Variants in RAD50 observed in about 807,000 individuals in gnomAD.
RAD50 encodes RAD50 double strand break repair protein.
In RAD50, 132 loss-of-function variants were observed where a neutral mutation model predicts 168.8. The ratio of observed to expected loss-of-function variants is 0.78; its 90% CI spans 0.68 to 0.90. The LOEUF (loss-of-function observed/expected upper bound fraction) is 0.90, where lower values mean the gene tolerates loss of function less well. Ranked by LOEUF, RAD50 falls within the 40% of genes least tolerant of loss-of-function variation. RAD50 has a pLI of 0.00. For synonymous variants in RAD50, 525 were observed against 497.4 expected (o/e 1.06, Z -0.74); for missense variants, 1,347 against 1,534.4 (o/e 0.88, Z 2.04).
chr5:132,561,219 G>C (rs1750118956), intron 2 of RAD50, among the ~76,000 whole-genome samples: 1 of 151,938 alleles, frequency 6.6e-6, no homozygotes, highest in African/African-American at 2.4e-5. Context: ...ATGAGACGGA[G>C]TCTTGCACTG....
chr5:132,559,794 A>G lies in RAD50; in HGVS notation c.213+427A>G, dbSNP rs140487947. ...GTTTTTCATTAAAATGTACCATGAT[A>G]AGCCAGGCTTGGGGGTGTGTGCCAA... On this transcript the variant is annotated intron_variant, in intron 2 of 24. Coordinates refer to ENST00000378823, the MANE Select transcript of RAD50 (RefSeq NM_005732.4). Among the ~76,000 whole-genome samples, 170 of 152,300 alleles carry G rather than the reference A, an allele frequency of 1.1e-3. 4 individuals carry two copies. Among genetic ancestry groups the G allele is most frequent in the Admixed American group, 0.011 (164 of 15,280 alleles).
intron 11 of RAD50, among the ~76,000 whole-genome samples, chr5:132,592,345 A>G (rs1193780250): frequency 6.6e-6 from 1 of 152,298 alleles, no homozygotes; most frequent in Non-Finnish European, 1.5e-5. Flanking sequence ...TCTTTTTTAC[A>G]TTGCTAGCAT....
chr5:132,616,770 G>C (rs1258123412), intron 20 of RAD50, among the ~76,000 whole-genome samples: 1 of 152,150 alleles, frequency 6.6e-6, no homozygotes, highest in Non-Finnish European at 1.5e-5. Context: ...CAAATACTTA[G>C]ATTGTCAACC....
Position 132,609,214 on chromosome 5 carries a change from T to C in RAD50, c.2922+5T>C, listed in dbSNP as rs1304809549. Reference sequence around the variant, plus strand: ...GGGAAAGACGACTATAAGAAGGTAATTTAAAACTTAAAATTATTTATTTGA... The same window carrying C: ...GGGAAAGACGACTATAAGAAGGTAACTTAAAACTTAAAATTATTTATTTGA... On this transcript the variant is annotated splice_donor_5th_base_variant and intron_variant, in intron 18 of 24. Coordinates refer to ENST00000378823, the MANE Select transcript of RAD50 (RefSeq NM_005732.4). 6.2e-7 allele frequency: 1 copy of C among 1,609,554 alleles called. No homozygotes were observed. The highest frequency in any genetic ancestry group is 8.5e-7 in the Non-Finnish European group (1 of 1,177,990).
chr5:132,597,006 A>G (rs1750803549), intron 13 of RAD50, among the ~76,000 whole-genome samples: 1 of 152,170 alleles, frequency 6.6e-6, no homozygotes, highest in Non-Finnish European at 1.5e-5. Context: ...TGAGTCCTGT[A>G]TGTTGGGGAG....
At chr5:132,564,399 G>A (rs2706343) in intron 2 of RAD50, among the ~76,000 whole-genome samples, 1 of 152,122 alleles carries the variant, frequency 6.6e-6, no homozygotes, top group African/African-American at 2.4e-5. Flanking sequence ...TGGCAGCATT[G>A]TGCCCCTGCT....
intron 13 of RAD50, 36 bp from the exon 14 acceptor site, chr5:132,603,264 T>G: frequency 6.5e-7 from 1 of 1,546,540 alleles, no homozygotes; most frequent in Non-Finnish European, 8.8e-7. Context: ...GTGAGAAACA[T>G]CAGATACTTT....
intron 12 of RAD50, 41 bp from the exon 13 acceptor site, chr5:132,595,532 T>C (rs1382437461): frequency 7.3e-7 from 1 of 1,372,954 alleles, no homozygotes; most frequent in Non-Finnish European, 1.0e-6. Flanking sequence ...GTATTTTATG[T>C]TTTTTTCTCA....
chr5:132,630,106 G>T (rs565006010), intron 21 of RAD50, among the ~76,000 whole-genome samples: 15 of 150,254 alleles, frequency 1.0e-4, no homozygotes, highest in African/African-American at 2.7e-4. Flanking sequence ...CCAATGGTGC[G>T]ATCTCAGCTC....
At chr5:132,640,832 T>C (rs1479694518) in intron 24 of RAD50, 27 bp downstream of exon 24, 1 of 1,613,960 alleles carries the variant, frequency 6.2e-7, no homozygotes, top group Non-Finnish European at 8.5e-7. Context: ...CATGCTCTGG[T>C]TGAGTAAGTA....
chr5:132,574,755 A>G (rs1259131258), intron 2 of RAD50, among the ~76,000 whole-genome samples: 1 of 152,176 alleles, frequency 6.6e-6, no homozygotes, highest in Non-Finnish European at 1.5e-5. Context: ...CTTTCACCAG[A>G]TACCCTAAAT....
intron 21 of RAD50, among the ~76,000 whole-genome samples, chr5:132,619,834 C>A (rs534846682): frequency 0.082 from 9,555 of 116,936 alleles, 424 homozygotes; most frequent in Admixed American, 0.11. Flanking sequence ...CTCTCTCTCT[C>A]TCTATATATA....
intron 21 of RAD50, 147 bp downstream of exon 21, chr5:132,618,441 C>T (rs1442538578): frequency 2.3e-5 from 33 of 1,415,044 alleles, no homozygotes; most frequent in South Asian, 1.3e-4. Flanking sequence ...TGCAATGGCA[C>T]GATCTCAGCT....
At chr5:132,640,912 AGCTGT>A (rs1751707267) in intron 24 of RAD50, 107 bp downstream of exon 24, 1 of 1,567,946 alleles carries the variant, frequency 6.4e-7, no homozygotes, top group Non-Finnish European at 8.7e-7. Context: ...AACGTTCTCT[AGCTGT>A]GTTCCCCACT....
At chr5:132,589,510 C>A in intron 8 of RAD50, 121 bp from the exon 9 acceptor site, 2 of 739,006 alleles carry the variant, frequency 2.7e-6, no homozygotes, top group Non-Finnish European at 4.3e-6. Flanking sequence ...TATATCCCTG[C>A]TGAGCAACAC....
At chr5:132,627,157 G>A (rs534581718) in intron 21 of RAD50, among the ~76,000 whole-genome samples, 3 of 152,066 alleles carry the variant, frequency 2.0e-5, no homozygotes, top group South Asian at 2.1e-4. Context: ...CTGGGATTAC[G>A]GGCATGACCT....
chr5:132,635,158 G>C (rs887211734), intron 21 of RAD50, among the ~76,000 whole-genome samples: 1 of 152,112 alleles, frequency 6.6e-6, no homozygotes. Flanking sequence ...TAATATCCTA[G>C]CCACTTTTCT....
At chr5:132,612,256 G>A (rs1402338671) in intron 19 of RAD50, among the ~76,000 whole-genome samples, 1 of 152,142 alleles carries the variant, frequency 6.6e-6, no homozygotes, top group African/African-American at 2.4e-5. Flanking sequence ...GTCACAAAAG[G>A]TCACATAATG....
At position 132,569,054 on chromosome 5, in the gene RAD50, A is replaced by T. The variant is rs190489435; in HGVS notation, c.214-6723A>T. Among the ~76,000 whole-genome samples, 73 of 152,346 alleles carry T rather than the reference A, an allele frequency of 4.8e-4. 2 individuals carry two copies. The highest frequency in any genetic ancestry group is 3.4e-3 in the Middle Eastern group (1 of 294). On this transcript the variant is annotated intron_variant, in intron 2 of 24. Coordinates refer to ENST00000378823, the MANE Select transcript of RAD50 (RefSeq NM_005732.4). ...ACCCAACAATACAAAATTCACAATC[A>T]AAAGTTAACAGGCATCCAAAGAAGC...
Sources: allele counts gnomAD v4.1 joint callset (sites outside exome capture counted in the v4.1 genomes callset), GRCh38; gene constraint gnomAD v4.1.1; transcripts MANE v1.5; gene names NCBI Gene and HGNC (gene_info 2026-07-23, HGNC 2026-07-21).